Variants in FGF12 observed in about 807,000 individuals in gnomAD.
The protein encoded by FGF12 is fibroblast growth factor 12, also known as fibroblast growth factor 12B.
A neutral mutation model predicts 23.6 loss-of-function variants in FGF12; 14 were observed. The ratio of observed to expected loss-of-function variants is 0.59; its 90% confidence interval spans 0.39 to 0.93. The LOEUF (loss-of-function observed/expected upper bound fraction) is 0.93, where lower values mean the gene tolerates loss of function less well. Among genes scored for constraint, FGF12 ranks in the 40% least tolerant of loss-of-function variants. FGF12 has a pLI of 0.00. For synonymous variants in FGF12, 62 were observed against 77.3 expected, an observed-to-expected ratio of 0.80 and a Z score of 1.04; for missense variants, 175 against 217.8, an observed-to-expected ratio of 0.80 and a Z score of 1.24.
At chr3:192,679,721 T>A (rs1263686642) in intron 2 of FGF12, among the ~76,000 whole-genome samples, 1 of 152,066 alleles carries the variant, frequency 6.6e-6, no homozygotes, top group Admixed American at 6.5e-5. Context: ...CAACCAGGGA[T>A]CACACCCAAA....
Position 192,360,755 on chromosome 3 carries a change from T to C in FGF12, c.14-217A>G. ...CTTTTAGCAGTAAACTAAATGCAAA[T>C]AAATAAAAGCTAATTATGATTGGGA... On this transcript the variant is annotated intron_variant, in intron 2 of 5. Transcript: ENST00000445105. This position sits in a 1 kb window ranked among gnomAD's most constrained non-coding sequence, Gnocchi z 4.3. The C allele has an allele frequency of 1.8e-6, 1 of 548,534 alleles. No individual in the cohort carries two copies. Among genetic ancestry groups the C allele is most frequent in the East Asian group, 3.0e-5 (1 of 33,162 alleles). 34.0% of individuals were successfully genotyped at this position (548,534 alleles called of 1,614,324 possible).
intron 4 of FGF12, among the ~76,000 whole-genome samples, chr3:192,241,529 A>G (rs73193507): frequency 0.06 from 9,112 of 152,254 alleles, 301 homozygotes; most frequent in South Asian, 0.08. Flanking sequence ...GGAGAATCAA[A>G]AACAGTTTGA....
intron 2 of FGF12, among the ~76,000 whole-genome samples, chr3:192,491,948 C>T (rs531664017): frequency 6.6e-6 from 1 of 152,102 alleles, no homozygotes; most frequent in Non-Finnish European, 1.5e-5. Context: ...AAGTTGAGCT[C>T]AAACACAATG....
chr3:192,417,399 T>C (rs935634275), intron 2 of FGF12, among the ~76,000 whole-genome samples: 1 of 149,170 alleles, frequency 6.7e-6, no homozygotes, highest in Non-Finnish European at 1.5e-5. Flanking sequence ...TGTATAAGAG[T>C]AGACACAGAA....
chr3:192,240,170 C>A (rs2108594193), intron 4 of FGF12, among the ~76,000 whole-genome samples: 1 of 152,248 alleles, frequency 6.6e-6, no homozygotes, highest in African/African-American at 2.4e-5. Flanking sequence ...CAGATGCATT[C>A]ATGCTTCATT....
chr3:192,601,450 C>A (rs1714111156), intron 2 of FGF12, among the ~76,000 whole-genome samples: 1 of 152,032 alleles, frequency 6.6e-6, no homozygotes, highest in South Asian at 2.1e-4. Flanking sequence ...ATGTTCCCAA[C>A]ACAAGAAAAT....
intron 2 of FGF12, among the ~76,000 whole-genome samples, chr3:192,430,166 T>C (rs767577974): frequency 9.2e-5 from 14 of 152,074 alleles, no homozygotes; most frequent in Non-Finnish European, 1.8e-4. Context: ...ATGTGGTATG[T>C]ACCAACAATG....
chr3:192,198,504 C>CCTT (rs1163682059), intron 4 of FGF12, among the ~76,000 whole-genome samples: 1 of 152,072 alleles, frequency 6.6e-6, no homozygotes, highest in Non-Finnish European at 1.5e-5. Context: ...CATGACCTCA[C>CCTT]TTATTCAGCC....
chr3:192,565,597 G>T (rs1411919911), intron 2 of FGF12, among the ~76,000 whole-genome samples: 1 of 152,164 alleles, frequency 6.6e-6, no homozygotes, highest in Non-Finnish European at 1.5e-5. Context: ...TAGCCTAGGA[G>T]CCATAGGCTA....
chr3:192,642,303 G>A (rs968206308), intron 2 of FGF12, among the ~76,000 whole-genome samples: 3 of 152,188 alleles, frequency 2.0e-5, no homozygotes, highest in East Asian at 3.9e-4. Context: ...CCGAGAATTC[G>A]AAACACTTTC....
chr3:192,409,620 G>C lies in FGF12; in HGVS notation c.14-49082C>G, dbSNP rs1721118771. 6.6e-6 allele frequency among the ~76,000 whole-genome samples: 1 copy of C among 152,302 alleles called. No individual in the cohort carries two copies. The highest frequency in any genetic ancestry group is 2.1e-4 in the South Asian group (1 of 4,832). On this transcript the variant is annotated intron_variant, in intron 2 of 5. Coordinates refer to ENST00000445105, the MANE Select transcript of FGF12 (RefSeq NM_004113.6). This position sits in a 1 kb window ranked among gnomAD's most constrained non-coding sequence, Gnocchi z 4.8. Reference sequence around the variant, plus strand: ...AGTGACCCGCGCGCTGCGAATACCCGCGCGTCCGCTCGGGTGGGGCGGGGG... The same window carrying C: ...AGTGACCCGCGCGCTGCGAATACCCCCGCGTCCGCTCGGGTGGGGCGGGGG...
At chr3:192,667,371 A>G (rs1173277936) in intron 2 of FGF12, among the ~76,000 whole-genome samples, 3 of 152,074 alleles carry the variant, frequency 2.0e-5, no homozygotes, top group African/African-American at 4.8e-5. Context: ...TGGGAGGCCA[A>G]AGCGGGTGGA....
intron 2 of FGF12, among the ~76,000 whole-genome samples, chr3:192,438,360 G>C (rs904837822): frequency 6.6e-6 from 1 of 152,156 alleles, no homozygotes; most frequent in African/African-American, 2.4e-5. Flanking sequence ...GAGACTTAAG[G>C]CTTGCACTTA....
At position 192,567,735 on chromosome 3, in the gene FGF12, CTCTTTCTTTCTTTCTTTCTTTCTT is replaced by C. The variant is rs58243923; in HGVS notation, c.13+159422_13+159445del. 1.3e-3 allele frequency among the ~76,000 whole-genome samples: 163 copies of C among 126,052 alleles called. 2 individuals carry two copies. The highest frequency in any genetic ancestry group is 9.0e-3 in the South Asian group (31 of 3,458). The allele number at this position is 126,052 out of a possible 152,430, so 82.7% of individuals were successfully genotyped here. The stretch of plus-strand genomic sequence containing the variant: ...TTTTTACATGGTCTTCTCCATGTGT[CTCTTTCTTTCTTTCTTTCTTTCTT>C]TCTTTCTTTCTTTCTTTCTTTCTTT... On this transcript the variant is annotated intron_variant, in intron 2 of 5. Transcript: ENST00000445105.
intron 2 of FGF12, among the ~76,000 whole-genome samples, chr3:192,387,769 C>G (rs1427083990): frequency 1.3e-5 from 2 of 151,630 alleles, no homozygotes; most frequent in African/African-American, 4.9e-5. Context: ...TGCCTGTGGT[C>G]CCAGCTACTC....
At chr3:192,266,852 A>G (rs1433225474) in intron 4 of FGF12, among the ~76,000 whole-genome samples, 1 of 151,818 alleles carries the variant, frequency 6.6e-6, no homozygotes, top group African/African-American at 2.4e-5. Flanking sequence ...GAACAAATAC[A>G]CTTTTAAAAA....
At chr3:192,617,562 G>T (rs1213986507) in intron 2 of FGF12, among the ~76,000 whole-genome samples, 1 of 152,096 alleles carries the variant, frequency 6.6e-6, no homozygotes, top group Non-Finnish European at 1.5e-5. Context: ...AAAGCCACAG[G>T]CATCATAAGG....
intron 4 of FGF12, among the ~76,000 whole-genome samples, chr3:192,270,074 C>A (rs972085496): frequency 1.1e-4 from 16 of 152,184 alleles, no homozygotes; most frequent in African/African-American, 3.9e-4. Flanking sequence ...GTTCCACATC[C>A]TCCTGCATTC....
intron 4 of FGF12, among the ~76,000 whole-genome samples, chr3:192,303,418 ACTC>A (rs1715452832): frequency 6.6e-6 from 1 of 151,978 alleles, no homozygotes; most frequent in Admixed American, 6.6e-5. Flanking sequence ...AGAGATAGCA[ACTC>A]CTCCTAGCAA....
Sources: gnomAD v4.1 joint callset for allele counts (sites outside exome capture counted in the v4.1 genomes callset) on GRCh38, gnomAD v4.1.1 for gene constraint, Gnocchi (gnomAD v3.1) non-coding constraint, MANE v1.5 for transcripts, NCBI Gene and HGNC (gene_info 2026-07-23, HGNC 2026-07-21) for gene names.